Variants in CPNE5 observed in about 807,000 individuals in gnomAD.
CPNE5 encodes the protein copine 5.
In CPNE5, 42 loss-of-function variants were observed where a neutral mutation model predicts 81.1. The observed-to-expected ratio is 0.52, with a 90% CI of 0.40 to 0.67. The LOEUF (loss-of-function observed/expected upper bound fraction) is 0.67. Among genes scored for constraint, CPNE5 ranks in the 30% least tolerant of loss-of-function variants. The pLI, the probability that CPNE5 is intolerant of heterozygous loss-of-function variation, is 0.00. For missense variants in CPNE5, 612 were observed against 815.5 expected (o/e 0.75, Z 3.04); for synonymous variants, 313 against 321.5 (o/e 0.97, Z 0.28).
At chr6:36,829,868 A>T (rs937925903) in intron 1 of CPNE5, among the ~76,000 whole-genome samples, 3 of 120,122 alleles carry the variant, frequency 2.5e-5, no homozygotes, top group Non-Finnish European at 5.9e-5. Flanking sequence ...AAAAAAAAAA[A>T]ATACCCAACA....
chr6:36,742,508 T>A, intron 20 of CPNE5, 22 bp from the exon 21 acceptor site: 3 of 1,601,632 alleles, frequency 1.9e-6, no homozygotes, highest in Non-Finnish European at 2.6e-6. Context: ...GAGGGCAGGG[T>A]CAGGCAGTGC....
chr6:36,800,127 G>T, intron 3 of CPNE5, 57 bp from the exon 4 acceptor site: 1 of 1,281,666 alleles, frequency 7.8e-7, no homozygotes. Flanking sequence ...CCGGCTGGTG[G>T]GGCAGGGGAG....
At chr6:36,808,887 C>T (rs1443998705) in intron 3 of CPNE5, among the ~76,000 whole-genome samples, 2 of 152,298 alleles carry the variant, frequency 1.3e-5, no homozygotes, top group African/African-American at 4.8e-5. Context: ...CCCAAGGTCA[C>T]ACAGCTAGCA....
rs542169106 is a variant in CPNE5, at chr6:36,782,028, C to T, written c.529-3071G>A. 4.6e-5 allele frequency among the ~76,000 whole-genome samples: 7 copies of T among 152,256 alleles called. No individual in the cohort carries two copies. In the South Asian group the frequency reaches 8.3e-4, roughly 18 times the overall value. On this transcript the variant is annotated intron_variant, in intron 8 of 20. Transcript: ENST00000244751. The stretch of plus-strand genomic sequence containing the variant: ...AGCCTCAGTTTCCTCGTCTGTGGAG[C>T]GTGGAATGGGATGACCACCACAATC...
At chr6:36,788,374 A>G (rs1562138981) in intron 8 of CPNE5, among the ~76,000 whole-genome samples, 1 of 152,124 alleles carries the variant, frequency 6.6e-6, no homozygotes, top group African/African-American at 2.4e-5. Context: ...TGCTGAGGGC[A>G]GTAGCCCCAC....
At chr6:36,788,267 T>G (rs1768768995) in intron 8 of CPNE5, among the ~76,000 whole-genome samples, 2 of 151,950 alleles carry the variant, frequency 1.3e-5, no homozygotes, top group African/African-American at 4.8e-5. Context: ...GGTCTCGAAC[T>G]CCTGAGCTCA....
chr6:36,762,303 T>C (rs1225547361), intron 12 of CPNE5, among the ~76,000 whole-genome samples: 2 of 129,144 alleles, frequency 1.5e-5, no homozygotes, highest in African/African-American at 6.2e-5. Context: ...CACACATACA[T>C]GCACACACAC....
chr6:36,829,876 A>C (rs552466080), intron 1 of CPNE5, among the ~76,000 whole-genome samples: 1 of 148,770 alleles, frequency 6.7e-6, no homozygotes, highest in Non-Finnish European at 1.5e-5. Flanking sequence ...AAAATACCCA[A>C]CAGGAATCCT....
intron 3 of CPNE5, among the ~76,000 whole-genome samples, chr6:36,811,158 A>C (rs1224783550): frequency 1.3e-5 from 2 of 151,528 alleles, no homozygotes; most frequent in African/African-American, 4.9e-5. Context: ...CCTTGTCCCC[A>C]CCCCCAGCCT....
At chr6:36,745,292 C>A in intron 17 of CPNE5, 96 bp downstream of exon 17, 1 of 1,476,162 alleles carries the variant, frequency 6.8e-7, no homozygotes, top group Non-Finnish European at 9.2e-7. Context: ...AAGGCAAGTG[C>A]GTGGGAAGAG....
intron 10 of CPNE5, among the ~76,000 whole-genome samples, chr6:36,767,753 A>G (rs1046109986): frequency 2.6e-5 from 4 of 152,244 alleles, no homozygotes; most frequent in African/African-American, 9.6e-5. Flanking sequence ...CAGAGGGCCT[A>G]ATTTAATTGG....
intron 14 of CPNE5, among the ~76,000 whole-genome samples, chr6:36,751,549 GGAGGCC>G (rs1466205553): frequency 2.0e-5 from 3 of 152,212 alleles, no homozygotes; most frequent in Admixed American, 2.0e-4. Context: ...CAGCACTTTG[GGAGGCC>G]GAGGCAGGCG....
chr6:36,812,107 A>G (rs901507224), intron 3 of CPNE5, among the ~76,000 whole-genome samples: 11 of 152,202 alleles, frequency 7.2e-5, no homozygotes, highest in Non-Finnish European at 1.3e-4. Flanking sequence ...CCGTCTCAAA[A>G]ACAAACAAAC....
At chr6:36,804,417 T>G (rs1175757979) in intron 3 of CPNE5, among the ~76,000 whole-genome samples, 1 of 152,238 alleles carries the variant, frequency 6.6e-6, no homozygotes, top group Non-Finnish European at 1.5e-5. Context: ...CTCCTGCTCT[T>G]ATTCTTGATG....
chr6:36,750,829 G>A (rs1391089973), intron 14 of CPNE5, among the ~76,000 whole-genome samples: 1 of 152,208 alleles, frequency 6.6e-6, no homozygotes, highest in African/African-American at 2.4e-5. Context: ...TACAGGGTGA[G>A]GGGAAAGGCA....
At chr6:36,769,242 C>T (rs938386646) in intron 10 of CPNE5, among the ~76,000 whole-genome samples, 18 of 152,168 alleles carry the variant, frequency 1.2e-4, no homozygotes, top group African/African-American at 2.9e-4. Context: ...GTAATAATAC[C>T]GTCATTCTAC....
At chr6:36,769,866 C>T (rs369884847) in intron 10 of CPNE5, among the ~76,000 whole-genome samples, 1 of 152,200 alleles carries the variant, frequency 6.6e-6, no homozygotes, top group Non-Finnish European at 1.5e-5. Context: ...AGAGAAGGAA[C>T]TCACACATCA....
chr6:36,768,372 C>T (rs1344850660), intron 10 of CPNE5, among the ~76,000 whole-genome samples: 1 of 151,818 alleles, frequency 6.6e-6, no homozygotes, highest in African/African-American at 2.4e-5. Flanking sequence ...GCTGGGATTA[C>T]AGGCGCATGC....
At chr6:36,793,974 G>A (rs1769330322) in intron 7 of CPNE5, among the ~76,000 whole-genome samples, 3 of 152,354 alleles carry the variant, frequency 2.0e-5, no homozygotes, top group South Asian at 4.1e-4. Context: ...GGAAAGAAGG[G>A]GAGGGAAGGA....
Sources: gnomAD v4.1 joint callset for allele counts (sites outside exome capture counted in the v4.1 genomes callset) on GRCh38, gnomAD v4.1.1 for gene constraint, MANE v1.5 for transcripts, NCBI Gene and HGNC (gene_info 2026-07-23, HGNC 2026-07-21) for gene names.